Variants in NTSR2 observed in about 807,000 individuals in gnomAD.
NTSR2 encodes neurotensin receptor 2.
Under a neutral mutation model 24.1 loss-of-function variants are expected in NTSR2, and 22 were observed. The observed-to-expected ratio is 0.91, with a 90% CI of 0.65 to 1.30. The LOEUF (loss-of-function observed/expected upper bound fraction) is 1.30. Ranked by LOEUF, NTSR2 falls within the 50% of genes most tolerant of loss-of-function variation. The pLI is 0.00. For missense variants in NTSR2, 570 were observed against 570.4 expected (o/e 1.00, Z 0.01); for synonymous variants, 291 against 267.0 (o/e 1.09, Z -0.88).
chr2:11,663,318 G>A (rs184473067), intron 1 of NTSR2, among the ~76,000 whole-genome samples: 60 of 152,214 alleles, frequency 3.9e-4, no homozygotes, highest in Non-Finnish European at 7.5e-4. Flanking sequence ...GGGGGCCCCC[G>A]TGCAGATGAG....
intron 1 of NTSR2, 46 bp downstream of exon 1, chr2:11,669,460 G>GGGGCGGGGGGGGGCCCCCCCCCCCCCC: frequency 3.9e-6 from 1 of 254,726 alleles, no homozygotes; most frequent in Non-Finnish European, 6.9e-6. Flanking sequence ...TCCCAGCACC[G>GGGGCGGGGGGGGGCCCCCCCCCCCCCC]CCCCCCCACC....
chr2:11,664,664 CAA>C (rs1235692584), intron 1 of NTSR2, among the ~76,000 whole-genome samples: 5 of 152,068 alleles, frequency 3.3e-5, no homozygotes, highest in Admixed American at 1.3e-4. Context: ...CCAGTCAAGA[CAA>C]AGATCAAAAT....
At chr2:11,660,557 G>A (rs769764326) in intron 2 of NTSR2, among the ~76,000 whole-genome samples, 12 of 152,198 alleles carry the variant, frequency 7.9e-5, no homozygotes, top group Non-Finnish European at 1.6e-4. Flanking sequence ...GTTGAGGTCA[G>A]GTGTTTGAGA....
chr2:11,665,055 G>GTTTTTT (rs34751276), intron 1 of NTSR2, among the ~76,000 whole-genome samples: 11 of 106,676 alleles, frequency 1.0e-4, no homozygotes, highest in Non-Finnish European at 1.4e-4. Context: ...CTTTGGCACT[G>GTTTTTT]TTTTTTTTTT....
intron 1 of NTSR2, 33 bp downstream of exon 1, chr2:11,669,447 TCCTCCCAGCACCGCCCCCCCACCCCC>T: frequency 1.9e-5 from 9 of 475,658 alleles, no homozygotes; most frequent in Non-Finnish European, 2.8e-5. Flanking sequence ...GGGGGTTCCC[TCCTCCCAGCACCGCCCCCCCACCCCC>T]CCTCCCCCGA....
chr2:11,658,850 C>G (rs557328686), intron 3 of NTSR2, 128 bp from the exon 4 acceptor site: 47 of 1,130,152 alleles, frequency 4.2e-5, no homozygotes, highest in Non-Finnish European at 5.4e-5. Flanking sequence ...TCAGGAAGCA[C>G]AGTGTTTTTG....
rs1284808786 is a variant in NTSR2 at position 11,658,567 on chromosome 2, G to C, written c.1145C>G (p.Pro382Arg). 6.2e-7 allele frequency: 1 copy of C among 1,614,062 alleles called. No homozygotes were observed. Among genetic ancestry groups the C allele is most frequent in the East Asian group, 2.2e-5 (1 of 44,892 alleles). The stretch of plus-strand genomic sequence containing the variant: ...GGGCTTCGGGGGTAACCGCTTCATG[G>C]GGTGGTGCTCTCCACACAGGGAGCT... ...AVSSLCGEHH[P>R]MKRLPPKPQS... Residue 382 changes from proline (P) to arginine (R), a missense_variant, in exon 4 of 4, where the codon CCC (proline) becomes CGC (arginine). Pro to Arg is a moderately radical substitution (Grantham distance 103). Coordinates refer to ENST00000306928, the MANE Select transcript of NTSR2 (RefSeq NM_012344.4).
At position 11,662,124 on chromosome 2, in the gene NTSR2, G is replaced by T. The variant is rs1661086279; in HGVS notation, c.741C>A (p.Gly247=). 6.2e-7 allele frequency: 1 copy of T among 1,612,274 alleles called. No homozygotes were observed. The highest frequency in any genetic ancestry group is 1.3e-5 in the African/African-American group (1 of 74,888). The change falls in exon 2 of 4, where the codon GGC becomes GGA. Residue 247 remains glycine, a synonymous_variant. Transcript: ENST00000306928. Reference sequence around the variant, plus strand: ...GCTCCAGGCGGCTGGGGGTGGAGCTGCCCGGGGTAGAAGTGGACGGCACTT... The same window carrying T: ...GCTCCAGGCGGCTGGGGGTGGAGCTTCCCGGGGTAGAAGTGGACGGCACTT... ...CSQVPSTSTP[G]SSTPSRLELL...
intron 1 of NTSR2, among the ~76,000 whole-genome samples, chr2:11,664,922 C>G (rs955255973): frequency 5.3e-5 from 8 of 152,138 alleles, no homozygotes; most frequent in Non-Finnish European, 7.3e-5. Flanking sequence ...TTTAAACGCA[C>G]TATTTGTCAA....
chr2:11,669,481 C>T, intron 1 of NTSR2, 25 bp downstream of exon 1: 1 of 1,107,604 alleles, frequency 9.0e-7, no homozygotes, highest in Non-Finnish European at 1.2e-6. Context: ...CCCCCTCCCC[C>T]GACTCCCGCT....
chr2:11,668,643 A>G (rs1477032429), intron 1 of NTSR2, among the ~76,000 whole-genome samples: 1 of 152,140 alleles, frequency 6.6e-6, no homozygotes, highest in Admixed American at 6.5e-5. Flanking sequence ...GTGCTTTCTC[A>G]GCCTTTCCCA....
chr2:11,660,560 G>GT (rs1327203527), intron 2 of NTSR2, among the ~76,000 whole-genome samples: 1 of 152,208 alleles, frequency 6.6e-6, no homozygotes. Context: ...GAGGTCAGGT[G>GT]TTTGAGACCA....
chr2:11,665,055 G>GTTTTTTTT (rs34751276), intron 1 of NTSR2, among the ~76,000 whole-genome samples: 3 of 106,676 alleles, frequency 2.8e-5, no homozygotes, highest in Non-Finnish European at 5.4e-5. Flanking sequence ...CTTTGGCACT[G>GTTTTTTTT]TTTTTTTTTT....
chr2:11,663,557 C>T (rs963048195), intron 1 of NTSR2, among the ~76,000 whole-genome samples: 4 of 152,006 alleles, frequency 2.6e-5, no homozygotes, highest in African/African-American at 9.7e-5. Context: ...CATTATTAAC[C>T]GCAAAGAAAA....
chr2:11,660,228 A>T, intron 2 of NTSR2, 95 bp from the exon 3 acceptor site: 1 of 931,996 alleles, frequency 1.1e-6, no homozygotes, highest in Non-Finnish European at 1.7e-6. Flanking sequence ...CCGAGGGGAT[A>T]GCAGCATTTC....
chr2:11,670,144 C>G lies in NTSR2; in HGVS notation c.-15G>C. On this transcript the variant is annotated 5_prime_UTR_variant, in exon 1 of 4. Coordinates refer to ENST00000306928, the MANE Select transcript of NTSR2 (RefSeq NM_012344.4). ...CTGGTTTCCATCCCGCTCCCGCGGC[C>G]GGCGCTCCCTCCCTCTCACTGCCCG... is the stretch of plus-strand genomic sequence containing the variant. The G allele has an allele frequency of 1.5e-6, 2 of 1,364,484 alleles. No individual in the cohort carries two copies. Among genetic ancestry groups the G allele is most frequent in the Non-Finnish European group, 1.9e-6 (2 of 1,066,610 alleles). 84.5% of individuals were successfully genotyped at this position (1,364,484 alleles called of 1,614,324 possible).
Position 11,669,724 on chromosome 2 carries a change from C to A in NTSR2, c.406G>T (p.Ala136Ser). 1 of 1,531,554 alleles carries A rather than the reference C, an allele frequency of 6.5e-7. No individual in the cohort carries two copies. Among genetic ancestry groups the A allele is most frequent in the Non-Finnish European group, 8.7e-7 (1 of 1,144,422 alleles). 94.9% of individuals were successfully genotyped at this position (1,531,554 alleles called of 1,614,324 possible). A position where few individuals can be genotyped will look rare whatever the true frequency, so the allele number is the denominator to read the frequency against. The change falls in exon 1 of 4, where the codon GCC (alanine) becomes TCC (serine). Residue 136 changes from alanine to serine, a missense_variant. Transcript: ENST00000306928. ...VAGLSAERCL[A>S]VCQPLRARSL... is the part of the protein sequence containing the mutation. ...CGGGCACGCAGGGGCTGGCACACGGCTAGGCAGCGCTCGGCGCTCAGGCCT... is the reference window on the plus strand; with the variant it reads ...CGGGCACGCAGGGGCTGGCACACGGATAGGCAGCGCTCGGCGCTCAGGCCT...
Position 11,669,933 on chromosome 2 carries a change from C to T in NTSR2, c.197G>A (p.Gly66Glu). 1.3e-6 allele frequency: 2 copies of T among 1,523,340 alleles called. No individual in the cohort carries two copies. The highest frequency in any genetic ancestry group is 1.8e-6 in the Non-Finnish European group (2 of 1,141,900). The allele number at this position is 1,523,340 out of a possible 1,614,324, so 94.4% of individuals were successfully genotyped here. A position where few individuals can be genotyped will look rare whatever the true frequency, so the allele number is the denominator to read the frequency against. Residue 66 changes from glycine to glutamate, a missense_variant, in exon 1 of 4, where the codon GGG (glycine) becomes GAG (glutamate). Gly to Glu is a moderately conservative substitution (Grantham distance 98, BLOSUM62 -2). Coordinates refer to ENST00000306928, the MANE Select transcript of NTSR2 (RefSeq NM_012344.4). ...GCTGAGCACGTGGTGGCGCAGGCGC[C>T]CCGCGCGCCCGGCCCGCGCCTTCAG... ...VVLKARAGRA[G>E]RLRHHVLSLA... is the part of the protein sequence containing the mutation.
At chr2:11,662,780 C>T (rs1346923017) in intron 1 of NTSR2, among the ~76,000 whole-genome samples, 29 of 149,918 alleles carry the variant, frequency 1.9e-4, no homozygotes, top group Admixed American at 1.9e-3. Flanking sequence ...GACTCCGTCT[C>T]AAAAAAAAAA....
Sources: gnomAD v4.1 joint callset for allele counts (sites outside exome capture counted in the v4.1 genomes callset) on GRCh38, gnomAD v4.1.1 for gene constraint, MANE v1.5 for transcripts, NCBI Gene and HGNC (gene_info 2026-07-23, HGNC 2026-07-21) for gene names.